The following DYM variants were observed in gnomAD, a reference collection of about 807,000 sequenced individuals.
DYM encodes the protein dyggve-Melchior-Clausen syndrome protein.
A neutral mutation model predicts 93.1 loss-of-function variants in DYM; 78 were observed. That is an observed-to-expected ratio of 0.84 (90% CI 0.70 to 1.01). The LOEUF is 1.01. DYM is among the 50% of genes least tolerant of loss of function. The probability of loss-of-function intolerance (pLI) is 0.00; values close to 1 mark genes in which losing one functional copy is unlikely to be tolerated. For missense variants in DYM, 789 were observed against 845.0 expected (o/e 0.93, Z 0.82); for synonymous variants, 321 against 319.7 (o/e 1.00, Z -0.04).
At chr18:49,061,067 A>G (rs1328505263) in intron 17 of DYM, among the ~76,000 whole-genome samples, 1 of 152,228 alleles carries the variant, frequency 6.6e-6, no homozygotes, top group Non-Finnish European at 1.5e-5. Context: ...CCACTGCCAC[A>G]GAAGATACCA....
intron 17 of DYM, among the ~76,000 whole-genome samples, chr18:49,064,050 C>CT: frequency 6.6e-6 from 1 of 152,262 alleles, no homozygotes; most frequent in East Asian, 1.9e-4. Flanking sequence ...AATAACTTTA[C>CT]TTTTAGAAGG....
At chr18:49,088,211 T>A (rs1782679812) in intron 17 of DYM, among the ~76,000 whole-genome samples, 1 of 152,222 alleles carries the variant, frequency 6.6e-6, no homozygotes, top group African/African-American at 2.4e-5. Flanking sequence ...CTGAATGGTA[T>A]TGCCTAGGTT....
At chr18:49,121,576 C>T (rs764880703) in intron 15 of DYM, among the ~76,000 whole-genome samples, 9 of 151,958 alleles carry the variant, frequency 5.9e-5, no homozygotes, top group Non-Finnish European at 1.0e-4. Context: ...CACTCCACCC[C>T]CAAACAAAAA....
At chr18:49,247,344 CA>C (rs1301665509) in intron 13 of DYM, among the ~76,000 whole-genome samples, 1 of 152,172 alleles carries the variant, frequency 6.6e-6, no homozygotes, top group Non-Finnish European at 1.5e-5. Context: ...AGGACAATAA[CA>C]AACTGTCCTT....
rs34297501 is a variant in DYM, at chr18:49,170,780, CAAAAAAAAAAAAA to C, written c.1626-7006_1626-6994del. 1.2e-3 allele frequency among the ~76,000 whole-genome samples: 36 copies of C among 31,238 alleles called. 1 individual carries two copies. Among genetic ancestry groups the C allele is most frequent in the African/African-American group, 2.0e-3 (15 of 7,320 alleles). The allele number at this position is 31,238 out of a possible 152,430, so 20.5% of individuals were successfully genotyped here. Reference sequence around the variant, plus strand: ...TGGGCAACAAAGTGAGACTCCGTCTCAAAAAAAAAAAAAAAAAAAAAAAAAAAAGCAACTGTGG... The same window carrying C: ...TGGGCAACAAAGTGAGACTCCGTCTCAAAAAAAAAAAAAAAGCAACTGTGG... On this transcript the variant is annotated intron_variant, in intron 14 of 17. Transcript: ENST00000675505.
At chr18:49,308,590 G>T (rs1391507831) in intron 8 of DYM, among the ~76,000 whole-genome samples, 2 of 152,090 alleles carry the variant, frequency 1.3e-5, no homozygotes, top group African/African-American at 4.8e-5. Flanking sequence ...CATGTCTGTT[G>T]CTTTCATTTC....
At chr18:49,269,265 C>T (rs1034087562) in intron 11 of DYM, among the ~76,000 whole-genome samples, 4 of 152,168 alleles carry the variant, frequency 2.6e-5, no homozygotes, top group African/African-American at 7.2e-5. Context: ...CAAATCAAAA[C>T]CATCACACCA....
chr18:49,065,794 T>C (rs2076342020), intron 17 of DYM, among the ~76,000 whole-genome samples: 1 of 152,100 alleles, frequency 6.6e-6, no homozygotes, highest in South Asian at 2.1e-4. Flanking sequence ...AACTATGAAA[T>C]ACTTTGATGT....
intron 4 of DYM, among the ~76,000 whole-genome samples, chr18:49,379,160 G>T (rs2067802240): frequency 1.3e-5 from 2 of 152,126 alleles, no homozygotes; most frequent in South Asian, 4.1e-4. Context: ...AAACTTTATT[G>T]GATTCAATGT....
chr18:49,070,640 G>A (rs1193674038), intron 17 of DYM, among the ~76,000 whole-genome samples: 1 of 152,182 alleles, frequency 6.6e-6, no homozygotes, highest in Non-Finnish European at 1.5e-5. Context: ...CCGTTTCTTT[G>A]AATGCTACTT....
intron 8 of DYM, among the ~76,000 whole-genome samples, chr18:49,291,674 A>T (rs1230067979): frequency 6.6e-6 from 1 of 152,196 alleles, no homozygotes; most frequent in Non-Finnish European, 1.5e-5. Flanking sequence ...GGAACACAGG[A>T]AAGTTTCTGT....
At chr18:49,243,093 C>T (rs1301147152) in intron 13 of DYM, among the ~76,000 whole-genome samples, 3 of 152,134 alleles carry the variant, frequency 2.0e-5, no homozygotes, top group Admixed American at 6.5e-5. Flanking sequence ...AAAGAGGAGA[C>T]CTGCTCCTCT....
Position 49,385,695 on chromosome 18 carries a change from C to CA in DYM, c.193+5897dup, listed in dbSNP as rs201624676. On this transcript the variant is annotated intron_variant, in intron 3 of 17. Coordinates refer to ENST00000675505, the MANE Select transcript of DYM (RefSeq NM_001353214.3). ...GGGCAACAAGAGCAAAACTCTGTCT[C>CA]AAAAAAAAAAAGAAATCTGATCCAG... Among the ~76,000 whole-genome samples, 871 of 137,212 alleles carry CA rather than the reference C, an allele frequency of 6.3e-3. 4 individuals carry two copies. The highest frequency in any genetic ancestry group is 8.7e-3 in the Non-Finnish European group (546 of 62,716). The allele number at this position is 137,212 out of a possible 152,430, so 90.0% of individuals were successfully genotyped here. A position where few individuals can be genotyped will look rare whatever the true frequency, so the allele number is the denominator to read the frequency against.
intron 16 of DYM, among the ~76,000 whole-genome samples, chr18:49,109,059 A>C (rs541240972): frequency 6.6e-6 from 1 of 152,184 alleles, no homozygotes; most frequent in East Asian, 1.9e-4. Context: ...TTACGTAGTA[A>C]AAGTTATTTT....
Position 49,305,995 on chromosome 18 carries a change from T to C in DYM, c.764-19379A>G, listed in dbSNP as rs769788537. ...TTGTACAATTAAGATGTGTACTTCA[T>C]TGCACACACATTATAACTCACACAT... On this transcript the variant is annotated intron_variant, in intron 8 of 17. Transcript: ENST00000675505. Among the ~76,000 whole-genome samples the C allele has an allele frequency of 1.7e-4, 26 of 152,354 alleles. No homozygotes were observed. The East Asian group carries it at 2.5e-3, about 15-fold the overall frequency.
intron 15 of DYM, among the ~76,000 whole-genome samples, chr18:49,156,420 C>A (rs559551393): frequency 9.2e-5 from 14 of 151,644 alleles, no homozygotes; most frequent in African/African-American, 3.1e-4. Flanking sequence ...AAACCACGCC[C>A]CCCCCTCAAA....
intron 13 of DYM, among the ~76,000 whole-genome samples, chr18:49,216,399 G>C (rs1353308761): frequency 1.3e-5 from 2 of 152,230 alleles, no homozygotes; most frequent in African/African-American, 4.8e-5. Flanking sequence ...GAAGAGAGTA[G>C]TGGTTCTCCA....
chr18:49,392,680 T>TAAAA (rs2069409371), intron 2 of DYM, among the ~76,000 whole-genome samples: 1 of 48,382 alleles, frequency 2.1e-5, no homozygotes, highest in Admixed American at 2.5e-4. Flanking sequence ...TGGCTTTTAT[T>TAAAA]TAAAAAAAAA....
chr18:49,092,672 G>T (rs2079153086), intron 17 of DYM, among the ~76,000 whole-genome samples: 1 of 152,160 alleles, frequency 6.6e-6, no homozygotes, highest in Non-Finnish European at 1.5e-5. Context: ...TGCTTTGCTT[G>T]TATATTATAG....
Sources: allele counts gnomAD v4.1 joint callset (sites outside exome capture counted in the v4.1 genomes callset), GRCh38; gene constraint gnomAD v4.1.1; transcripts MANE v1.5; gene names NCBI Gene and HGNC (gene_info 2026-07-23, HGNC 2026-07-21).